PHC3: variants seen among roughly 807,000 people sequenced by gnomAD.
PHC3 encodes the protein polyhomeotic homolog 3, also known as polyhomeotic-like protein 3.
In PHC3, 13 loss-of-function variants were observed where a neutral mutation model predicts 107.4. The ratio of observed to expected loss-of-function variants is 0.12; its 90% CI spans 0.08 to 0.19. The LOEUF is 0.19. Among genes scored for constraint, PHC3 ranks in the 10% least tolerant of loss-of-function variants. The probability of loss-of-function intolerance (pLI) is 1.00; values close to 1 mark genes in which losing one functional copy is unlikely to be tolerated. For synonymous variants in PHC3, 456 were observed against 427.4 expected, an observed-to-expected ratio of 1.07 and a Z score of -0.83; for missense variants, 992 against 1,210.9, an observed-to-expected ratio of 0.82 and a Z score of 2.68.
Position 170,129,070 on chromosome 3 carries a change from G to A in PHC3, c.1402C>T (p.Leu468Phe). Residue 468 changes from leucine to phenylalanine, a missense_variant, in exon 8 of 15, where the codon CTT (leucine) becomes TTT (phenylalanine). Around this residue, in one of 6 missense-constraint regions of PHC3, gnomAD observed 543 missense variants for 590.8 expected, o/e 0.92. Coordinates refer to ENST00000495893, the MANE Select transcript of PHC3 (RefSeq NM_024947.4). ...ATAQLNLPSH[L>F]PLPASPVVHI... ...ACAACAGGGGAAGCTGGAAGTGGAA[G>A]ATGGGATGGAAGATTCAACTGTGCT... 3.7e-6 allele frequency: 6 copies of A among 1,611,756 alleles called. No homozygotes were observed. The highest frequency in any genetic ancestry group is 5.1e-6 in the Non-Finnish European group (6 of 1,178,800).
chr3:170,140,248 G>A (rs1723820143), intron 6 of PHC3, among the ~76,000 whole-genome samples: 1 of 149,854 alleles, frequency 6.7e-6, no homozygotes, highest in Admixed American at 6.6e-5. Flanking sequence ...GGATTTACTG[G>A]GTCAGATTTC....
intron 11 of PHC3, among the ~76,000 whole-genome samples, chr3:170,112,975 C>T (rs1319731253): frequency 6.6e-6 from 1 of 152,132 alleles, no homozygotes; most frequent in Non-Finnish European, 1.5e-5. Context: ...TGAAACGAAA[C>T]AACCCAGAAG....
intron 11 of PHC3, 40 bp from the exon 12 acceptor site, chr3:170,106,986 AT>A: frequency 1.4e-6 from 2 of 1,469,374 alleles, no homozygotes; most frequent in South Asian, 2.5e-5. Flanking sequence ...GGTTCCAAAA[AT>A]TTAATTATGC....
In PHC3 at chr3:170,113,482, T is replaced by A. The variant is rs140838132; in HGVS notation, c.2231A>T (p.Lys744Ile). The change falls in exon 11 of 15, where the codon AAA (lysine) becomes ATA (isoleucine). Residue 744 changes from lysine (K) to isoleucine (I), a missense_variant. Around this residue, in one of 6 missense-constraint regions of PHC3, gnomAD observed 228 missense variants for 288.8 expected, o/e 0.79. Transcript: ENST00000495893. ...RSSLLIEQPVKKRPLLDNQVI... is the reference protein window; with the variant it reads ...RSSLLIEQPVIKRPLLDNQVI... ...CTGATTATCCAAAAGAGGCCGTTTT[T>A]TCACAGGCTGTTCTATTAGCAAAGA... 3,090 of 1,612,352 alleles carry A rather than the reference T, an allele frequency of 1.9e-3. 5 individuals carry two copies. Among genetic ancestry groups the A allele is most frequent in the Non-Finnish European group, 2.5e-3 (2,915 of 1,179,102 alleles).
At chr3:170,167,225 G>A (rs746094353) in intron 4 of PHC3, among the ~76,000 whole-genome samples, 5 of 151,904 alleles carry the variant, frequency 3.3e-5, no homozygotes, top group South Asian at 2.1e-4. Context: ...CTCAGCTCAC[G>A]GCAGCCTTGA....
intron 4 of PHC3, among the ~76,000 whole-genome samples, chr3:170,162,531 T>A (rs1296012088): frequency 6.6e-6 from 1 of 152,158 alleles, no homozygotes; most frequent in Non-Finnish European, 1.5e-5. Context: ...TTTCTATAAT[T>A]AAAGGTTAAA....
At chr3:170,118,993 A>G (rs1473467886) in intron 9 of PHC3, among the ~76,000 whole-genome samples, 1 of 151,646 alleles carries the variant, frequency 6.6e-6, no homozygotes, top group African/African-American at 2.4e-5. Flanking sequence ...CGTACTGGAA[A>G]ACCTGTTTAA....
At chr3:170,149,817 T>A (rs1325001014) in intron 4 of PHC3, 1 of 152,202 alleles carries the variant, frequency 6.6e-6, no homozygotes, top group Non-Finnish European at 1.5e-5. Flanking sequence ...AAAATATCAT[T>A]TCCACTACCT....
rs559100067 is a variant in PHC3, at chr3:170,092,799, C to T, written c.*4431G>A. On this transcript the variant is annotated 3_prime_UTR_variant, in exon 15 of 15. Coordinates refer to ENST00000495893, the MANE Select transcript of PHC3 (RefSeq NM_024947.4). ...AGAAATCAAAAATCACTAACTTCTA[C>T]ATCACTGGAACTATTAATATCCATG... 2 of 152,276 alleles carry T rather than the reference C, an allele frequency of 1.3e-5. No individual in the cohort carries two copies. The highest frequency in any genetic ancestry group is 2.1e-4 in the South Asian group (1 of 4,820). The allele number at this position is 152,276 out of a possible 1,614,324, so 9.4% of individuals were successfully genotyped here. A position where few individuals can be genotyped will look rare whatever the true frequency, so the allele number is the denominator to read the frequency against.
chr3:170,146,163 T>G (rs2108568740), intron 5 of PHC3, among the ~76,000 whole-genome samples: 1 of 151,982 alleles, frequency 6.6e-6, no homozygotes, highest in East Asian at 1.9e-4. Context: ...TCACTGGAGG[T>G]CAGGAGTTCA....
In PHC3 at chr3:170,138,412, C is replaced by T. The variant is rs148938191; in HGVS notation, c.673-1747G>A. 2.6e-5 allele frequency among the ~76,000 whole-genome samples: 4 copies of T among 152,104 alleles called. No individual in the cohort carries two copies. The East Asian group carries it at 7.7e-4, about 29-fold the overall frequency. The stretch of plus-strand genomic sequence containing the variant: ...TTAACGCAAAAACAAAATATACTGA[C>T]TGGGTGTGGTGGCTCACGCCTGTAA... On this transcript the variant is annotated intron_variant, in intron 6 of 14. Coordinates refer to ENST00000495893, the MANE Select transcript of PHC3 (RefSeq NM_024947.4).
At chr3:170,141,824 G>A (rs561497943) in intron 6 of PHC3, among the ~76,000 whole-genome samples, 1 of 151,996 alleles carries the variant, frequency 6.6e-6, no homozygotes, top group Non-Finnish European at 1.5e-5. Context: ...GGTTGGTCTC[G>A]AACTCCTGAG....
rs1463557053 is a variant in PHC3, at chr3:170,096,439, C to G, written c.*791G>C. The G allele has an allele frequency of 6.6e-6, 1 of 151,976 alleles. No individual in the cohort carries two copies. The highest frequency in any genetic ancestry group is 2.4e-5 in the African/African-American group (1 of 41,346). 9.4% of individuals were successfully genotyped at this position (151,976 alleles called of 1,614,324 possible). The stretch of plus-strand genomic sequence containing the variant: ...CTGTGCATTATAAGATGTTTAGAAA[C>G]ATCTCTGGCTTCTAACTACTAGACA... On this transcript the variant is annotated 3_prime_UTR_variant, in exon 15 of 15. Coordinates refer to ENST00000495893, the MANE Select transcript of PHC3 (RefSeq NM_024947.4).
chr3:170,165,624 A>G (rs1728602387), intron 4 of PHC3, among the ~76,000 whole-genome samples: 3 of 151,616 alleles, frequency 2.0e-5, no homozygotes, highest in Non-Finnish European at 4.4e-5. Context: ...CATGGTGGTA[A>G]ACGCCTGTAA....
chr3:170,130,973 T>C (rs1722162077), intron 7 of PHC3, among the ~76,000 whole-genome samples: 1 of 152,132 alleles, frequency 6.6e-6, no homozygotes, highest in Non-Finnish European at 1.5e-5. Context: ...ACATCTATTT[T>C]TGTGTTCAAC....
At chr3:170,140,407 C>A (rs866789044) in intron 6 of PHC3, among the ~76,000 whole-genome samples, 7 of 149,852 alleles carry the variant, frequency 4.7e-5, no homozygotes, top group Admixed American at 2.0e-4. Context: ...GCTTGTGCCA[C>A]CATGTCTGGC....
At chr3:170,178,230 G>A (rs186250736) in intron 2 of PHC3, among the ~76,000 whole-genome samples, 4 of 147,862 alleles carry the variant, frequency 2.7e-5, no homozygotes, top group East Asian at 4.0e-4. Context: ...TGCAAGCTCC[G>A]CCTTCCGGGT....
At chr3:170,108,776 A>C (rs1364375355) in intron 11 of PHC3, among the ~76,000 whole-genome samples, 1 of 152,208 alleles carries the variant, frequency 6.6e-6, no homozygotes, top group Non-Finnish European at 1.5e-5. Flanking sequence ...CATTAGTTCC[A>C]GCCCTGAAAG....
rs1330446927 is a variant in PHC3, at chr3:170,095,103, T to C, written c.*2127A>G. The C allele has an allele frequency of 1.3e-5, 2 of 152,168 alleles. No homozygotes were observed. The highest frequency in any genetic ancestry group is 4.8e-5 in the African/African-American group (2 of 41,460). The allele number at this position is 152,168 out of a possible 1,614,324, so 9.4% of individuals were successfully genotyped here. On this transcript the variant is annotated 3_prime_UTR_variant, in exon 15 of 15. Coordinates refer to ENST00000495893, the MANE Select transcript of PHC3 (RefSeq NM_024947.4). ...CTCTCTCATACTGTGGGCCATCTCT[T>C]ACTAATGCTTAGCCTGTATTTGTGT...
Sources: allele counts gnomAD v4.1 joint callset (sites outside exome capture counted in the v4.1 genomes callset), GRCh38; gene constraint gnomAD v4.1.1; regional missense constraint gnomAD v4.1.1; transcripts MANE v1.5; gene names NCBI Gene and HGNC (gene_info 2026-07-23, HGNC 2026-07-21).